The following PHEX variants were observed in gnomAD, a reference collection of about 807,000 sequenced individuals.
PHEX encodes the protein phosphate-regulating neutral endopeptidase PHEX.
PHEX carries 16 observed loss-of-function variants against 68.0 expected under a neutral mutation model. That is an observed-to-expected ratio of 0.24 (90% confidence interval 0.16 to 0.36). The LOEUF (loss-of-function observed/expected upper bound fraction) is 0.36, where lower values mean the gene tolerates loss of function less well. Among genes scored for constraint, PHEX ranks in the 10% least tolerant of loss-of-function variants. PHEX has a pLI of 1.00. For synonymous variants in PHEX, 208 were observed against 205.1 expected (o/e 1.01, Z -0.12); for missense variants, 480 against 575.5 (o/e 0.83, Z 1.70).
intron 3 of PHEX, among the ~76,000 whole-genome samples, chrX:22,059,801 A>C (rs1381564186): frequency 1.8e-5 from 2 of 111,799 alleles, no homozygotes; most frequent in African/African-American, 6.5e-5. Context: ...TTCACTGTCT[A>C]GACTCCCGGG....
At chrX:22,068,775 G>A (rs1280157188) in intron 3 of PHEX, among the ~76,000 whole-genome samples, 2 of 111,965 alleles carry the variant, frequency 1.8e-5, no homozygotes, top group African/African-American at 3.3e-5. Flanking sequence ...GTTCAGGAAC[G>A]ACCATTGCAG....
At chrX:22,092,852 C>A (rs939318494) in intron 6 of PHEX, among the ~76,000 whole-genome samples, 8 of 102,258 alleles carry the variant, frequency 7.8e-5, no homozygotes, top group African/African-American at 1.8e-4. Context: ...TGGGTTCAAG[C>A]GATTCTGCTA....
intron 13 of PHEX, among the ~76,000 whole-genome samples, chrX:22,175,251 C>G (rs1233732772): frequency 9.0e-6 from 1 of 111,579 alleles, no homozygotes; most frequent in Non-Finnish European, 1.9e-5. Flanking sequence ...AATTAATTAC[C>G]TCTGAGTTTT....
intron 16 of PHEX, among the ~76,000 whole-genome samples, chrX:22,213,748 CTTGTGTT>C (rs1192044694): frequency 8.9e-6 from 1 of 112,022 alleles, no homozygotes; most frequent in Non-Finnish European, 1.9e-5. Context: ...CATTGAGTCT[CTTGTGTT>C]TTGGTTTGGA....
At chrX:22,080,874 A>G (rs372569811) in intron 5 of PHEX, among the ~76,000 whole-genome samples, 27 of 111,952 alleles carry the variant, frequency 2.4e-4, no homozygotes, top group African/African-American at 8.4e-4. Context: ...ATTAGAATTT[A>G]CTTTTAATCG....
intron 20 of PHEX, among the ~76,000 whole-genome samples, chrX:22,228,978 G>A (rs1044403088): frequency 9.0e-6 from 1 of 111,522 alleles, no homozygotes; most frequent in Non-Finnish European, 1.9e-5. Context: ...GAGAACATGC[G>A]GGGTTTGGTT....
intron 3 of PHEX, among the ~76,000 whole-genome samples, chrX:22,066,893 G>T (rs767501777): frequency 6.3e-5 from 7 of 111,235 alleles, no homozygotes; most frequent in Non-Finnish European, 9.4e-5. Context: ...GGATTTCAGG[G>T]ATGTGATGTT....
intron 3 of PHEX, 104 bp downstream of exon 3, chrX:22,047,315 C>A (rs781063570): frequency 2.3e-4 from 160 of 689,182 alleles, no homozygotes; most frequent in Non-Finnish European, 3.7e-4. Context: ...TTTTAACTAC[C>A]ATGCTAAATT....
chrX:22,176,392 AAAAAAAAAAAATAT>A (rs1487827561), intron 13 of PHEX, among the ~76,000 whole-genome samples: 13 of 60,620 alleles, frequency 2.1e-4, no homozygotes, highest in African/African-American at 8.4e-4. Context: ...CTCAAAAAAA[AAAAAAAAAAAATAT>A]ATATATATAT....
intron 14 of PHEX, among the ~76,000 whole-genome samples, chrX:22,181,299 A>G (rs1310791234): frequency 2.7e-5 from 3 of 112,027 alleles, no homozygotes; most frequent in Non-Finnish European, 5.6e-5. Context: ...AGCCATTTTA[A>G]CTGGGGTAAG....
At chrX:22,235,138 CGGCTTGCCCTCT>C (rs1935927992) in intron 20 of PHEX, among the ~76,000 whole-genome samples, 1 of 111,808 alleles carries the variant, frequency 8.9e-6, no homozygotes. Context: ...GACCCTGCTT[CGGCTTGCCCTCT>C]GTGGCCTGCA....
At chrX:22,117,636 A>G (rs1310010034) in intron 11 of PHEX, among the ~76,000 whole-genome samples, 1 of 111,881 alleles carries the variant, frequency 8.9e-6, no homozygotes, top group Non-Finnish European at 1.9e-5. Flanking sequence ...TTTAACTAAT[A>G]TGAAAAGTAT....
At chrX:22,206,672 G>C (rs897755745) in intron 15 of PHEX, among the ~76,000 whole-genome samples, 1 of 110,988 alleles carries the variant, frequency 9.0e-6, no homozygotes. Flanking sequence ...AGATAGTGGC[G>C]GAAAGTAGGT....
In PHEX at chrX:22,034,802, C is replaced by T. The variant is rs187581880; in HGVS notation, c.118+1679C>T. Reference sequence around the variant, plus strand: ...TCACAATCTGCATTTTCACAAGACCCCCAGGGGACTGTTTGCAAATGCAGG... The same window carrying T: ...TCACAATCTGCATTTTCACAAGACCTCCAGGGGACTGTTTGCAAATGCAGG... On this transcript the variant is annotated intron_variant, in intron 1 of 21. Transcript: ENST00000379374. Among the ~76,000 whole-genome samples the T allele has an allele frequency of 5.3e-3, 594 of 112,472 alleles. 2 individuals carry two copies. Among genetic ancestry groups the T allele is most frequent in the Non-Finnish European group, 7.9e-3 (422 of 53,270 alleles).
In PHEX at chrX:22,152,684, A is replaced by G. The variant is rs932783705; in HGVS notation, c.1405-15628A>G. Among the ~76,000 whole-genome samples the G allele has an allele frequency of 2.7e-5, 3 of 112,140 alleles. No homozygotes were observed. In the Admixed American group the frequency reaches 2.8e-4, roughly 11 times the overall value. On this transcript the variant is annotated intron_variant, in intron 12 of 21. Transcript: ENST00000379374. ...TGAAGTTCAAGAACAGGAAAAAGTA[A>G]TTTATGGAGACAGAGATCAGGATAG...
rs1357754633 is a variant in PHEX at position 22,041,705 on chromosome X, G to A, written c.187+3168G>A. On this transcript the variant is annotated intron_variant, in intron 2 of 21. Transcript: ENST00000379374. ...AGAGTTTATGTCACCTGGTGCTTTG[G>A]CTGTGGTGGGGTTCTTGCAGATGTG... is the stretch of plus-strand genomic sequence containing the variant. 4.5e-5 allele frequency among the ~76,000 whole-genome samples: 5 copies of A among 110,567 alleles called. No homozygotes were observed. In the Admixed American group the frequency reaches 4.9e-4, roughly 11 times the overall value.
At chrX:22,088,319 A>G (rs1324949140) in intron 5 of PHEX, among the ~76,000 whole-genome samples, 3 of 111,800 alleles carry the variant, frequency 2.7e-5, no homozygotes, top group Middle Eastern at 4.6e-3. Flanking sequence ...TTCCTGGGTA[A>G]ATACCTAGAA....
rs1188202206 is a variant in PHEX at position 22,032,452 on chromosome X, A to G, written c.-554A>G. 8.4e-6 allele frequency: 1 copy of G among 119,392 alleles called. No individual in the cohort carries two copies. The highest frequency in any genetic ancestry group is 8.4e-5 in the Admixed American group (1 of 11,904). The allele number at this position is 119,392 out of a possible 1,213,427, so 9.8% of individuals were successfully genotyped here. The stretch of plus-strand genomic sequence containing the variant: ...TAGAAGGCTTTAAAAAGGGACTCAC[A>G]CACTGAAAGAATATCTTTGATGAAG... On this transcript the variant is annotated 5_prime_UTR_variant, in exon 1 of 22. Coordinates refer to ENST00000379374, the MANE Select transcript of PHEX (RefSeq NM_000444.6).
At chrX:22,218,928 A>G (rs1274425456) in intron 16 of PHEX, 108 bp from the exon 17 acceptor site, 10 of 558,904 alleles carry the variant, frequency 1.8e-5, no homozygotes, top group Non-Finnish European at 3.2e-5. Context: ...TGTTATTACC[A>G]TGGTTACTAG....
Sources: gnomAD v4.1 joint callset for allele counts (sites outside exome capture counted in the v4.1 genomes callset) on GRCh38, gnomAD v4.1.1 for gene constraint, MANE v1.5 for transcripts, NCBI Gene and HGNC (gene_info 2026-07-23, HGNC 2026-07-21) for gene names.